The following POLR1C variants were observed in gnomAD, a reference collection of about 807,000 sequenced individuals.
POLR1C encodes the protein RNA polymerase I and III subunit C, also known as DNA-directed RNA polymerases I and III subunit RPAC1.
Under a neutral mutation model 38.3 loss-of-function variants are expected in POLR1C, and 42 were observed. That is an observed-to-expected ratio of 1.10 (90% CI 0.86 to 1.42). The LOEUF (loss-of-function observed/expected upper bound fraction) is 1.42. POLR1C is among the 40% of genes most tolerant of loss of function. The probability of loss-of-function intolerance (pLI) is 0.00; values close to 1 mark genes in which losing one functional copy is unlikely to be tolerated. For missense variants in POLR1C, 507 were observed against 450.5 expected, an observed-to-expected ratio of 1.13 and a Z score of -1.14; for synonymous variants, 163 against 163.9, an observed-to-expected ratio of 0.99 and a Z score of 0.04.
At chr6:43,546,101 C>T (rs1247410279) in intron 9 of POLR1C, among the ~76,000 whole-genome samples, 1 of 152,056 alleles carries the variant, frequency 6.6e-6, no homozygotes, top group Admixed American at 6.6e-5. Flanking sequence ...ATTTATAATT[C>T]CTTTGTTTAG....
In POLR1C at chr6:43,549,870, A is replaced by G. The variant is rs757412459; in HGVS notation, c.*5-1098A>G. 6.9e-6 allele frequency: 11 copies of G among 1,598,550 alleles called. No individual in the cohort carries two copies. The East Asian group carries it at 2.2e-4, about 32-fold the overall frequency. On this transcript the variant is annotated intron_variant, in intron 9 of 10. Transcript: ENST00000607635. The stretch of plus-strand genomic sequence containing the variant: ...ATTTGTACTCAAGAAGTTAGAATCT[A>G]TTGGTTTAATTAATGGTCTTACCTT...
At chr6:43,547,914 TAAAC>T (rs1795040211) in intron 9 of POLR1C, among the ~76,000 whole-genome samples, 1 of 152,188 alleles carries the variant, frequency 6.6e-6, no homozygotes, top group South Asian at 2.1e-4. Context: ...ATTTAAGAAT[TAAAC>T]AAGAATATAA....
rs776965617 is a variant in POLR1C, at chr6:43,520,353, A to C, written c.581A>C (p.His194Pro). The C allele has an allele frequency of 1.4e-5, 22 of 1,613,654 alleles. No individual in the cohort carries two copies. In the South Asian group the frequency reaches 2.4e-4, roughly 18 times the overall value. ...CCAGAGGGCACTATCCGACCAGTGC[A>C]TGATGATATCCTCATCGCTCAGCTG... ...LFPEGTIRPV[H>P]DDILIAQLRP... Residue 194 changes from histidine (H) to proline (P), a missense_variant, in exon 6 of 9, where the codon CAT (histidine) becomes CCT (proline). Transcript: ENST00000642195.
At chr6:43,545,316 G>A (rs1794909116) in intron 9 of POLR1C, among the ~76,000 whole-genome samples, 1 of 152,162 alleles carries the variant, frequency 6.6e-6, no homozygotes, top group Non-Finnish European at 1.5e-5. Context: ...GTTTCACTGC[G>A]ACATGAATAA....
rs1337642287 is a variant in POLR1C at position 43,520,672 on chromosome 6, C to A, written c.703C>A (p.Leu235Ile). The stretch of plus-strand genomic sequence containing the variant: ...ACCAGTGGCAACAGCCAGTTACAGG[C>A]TCCTGCCAGACATCACCCTGCTTGA... ...FSPVATASYR[L>I]LPDITLLEPV... is the part of the protein sequence containing the mutation. The change falls in exon 7 of 9, where the codon CTC (leucine) becomes ATC (isoleucine). Residue 235 changes from leucine (L) to isoleucine (I), a missense_variant. By Grantham distance (5) the Leu-to-Ile change is conservative. Coordinates refer to ENST00000642195, the MANE Select transcript of POLR1C (RefSeq NM_203290.4). The A allele has an allele frequency of 6.2e-7, 1 of 1,614,148 alleles. No homozygotes were observed. The highest frequency in any genetic ancestry group is 8.5e-7 in the Non-Finnish European group (1 of 1,179,988).
intron 2 of POLR1C, among the ~76,000 whole-genome samples, chr6:43,517,977 A>G (rs1169718521): frequency 6.6e-6 from 1 of 152,138 alleles, no homozygotes; most frequent in African/African-American, 2.4e-5. Flanking sequence ...TACTTTTTTA[A>G]CCTGTTGATA....
chr6:43,560,938 T>C (rs766846709), intron 10 of POLR1C: 9 of 1,613,734 alleles, frequency 5.6e-6, no homozygotes, highest in East Asian at 4.5e-5. Context: ...CTTGGATGGG[T>C]TGTGAAAGCA....
chr6:43,533,847 AAAG>A, downstream of POLR1C: 1 of 1,313,966 alleles, frequency 7.6e-7, no homozygotes, highest in Non-Finnish European at 1.1e-6. Flanking sequence ...AACAACAAAA[AAAG>A]GGGACATCCA....
At chr6:43,535,041 C>T (rs1216001762) in intron 9 of POLR1C, among the ~76,000 whole-genome samples, 1 of 151,020 alleles carries the variant, frequency 6.6e-6, no homozygotes, top group Non-Finnish European at 1.5e-5. Flanking sequence ...GCCTGTAATC[C>T]CAGCACTTTG....
intron 9 of POLR1C, among the ~76,000 whole-genome samples, chr6:43,537,505 T>C (rs973959042): frequency 3.9e-5 from 6 of 152,198 alleles, no homozygotes; most frequent in Non-Finnish European, 8.8e-5. Context: ...CAACTCTGCA[T>C]TGAAGCGCAA....
Position 43,520,638 on chromosome 6 carries a change from C to G in POLR1C, c.669C>G (p.Ala223=), listed in dbSNP as rs374207903. ...HCVKGIGKDH[A]KFSPVATASY... ...CTTCCTCTCCAGGCAAAGATCATGCCAAGTTTTCACCAGTGGCAACAGCCA... is the reference window on the plus strand; with the variant it reads ...CTTCCTCTCCAGGCAAAGATCATGCGAAGTTTTCACCAGTGGCAACAGCCA... Residue 223 remains alanine (A), a synonymous_variant, in exon 7 of 9, where the codon GCC becomes GCG. Coordinates refer to ENST00000642195, the MANE Select transcript of POLR1C (RefSeq NM_203290.4). 1.2e-6 allele frequency: 2 copies of G among 1,614,000 alleles called. No homozygotes were observed. The highest frequency in any genetic ancestry group is 1.3e-5 in the African/African-American group (1 of 74,912).
chr6:43,553,526 TACACACACACAC>T (rs111634867), intron 10 of POLR1C: 68 of 1,448,026 alleles, frequency 4.7e-5, no homozygotes, highest in Non-Finnish European at 6.0e-5. Flanking sequence ...CACACACACA[TACACACACACAC>T]ACACACACAC....
chr6:43,526,119 A>G (rs1206501160), downstream of POLR1C: 11 of 569,806 alleles, frequency 1.9e-5, no homozygotes, highest in Admixed American at 3.2e-5. Flanking sequence ...CAAGCTGTAC[A>G]TGAGGGAAAT....
rs371479150 is a variant in POLR1C at position 43,520,971 on chromosome 6, C to A, written c.845C>A (p.Thr282Asn). 1.2e-6 allele frequency: 2 copies of A among 1,614,118 alleles called. No homozygotes were observed. Among genetic ancestry groups the A allele is most frequent in the African/African-American group, 2.7e-5 (2 of 74,998 alleles). The stretch of plus-strand genomic sequence containing the variant: ...AGAGTTGCCAACCCCCGGCTGGATA[C>A]CTTCAGCAGAGAAATCTTCCGGAAT... ...VARVANPRLD[T>N]FSREIFRNEK... Residue 282 changes from threonine (T) to asparagine (N), a missense_variant, in exon 8 of 9, where the codon ACC becomes AAC. Transcript: ENST00000642195.
rs1057519455 is a variant in POLR1C, at chr6:43,517,324, C to T, written c.88C>T (p.Pro30Ser). Residue 30 changes from proline (P) to serine (S), a missense_variant, in exon 2 of 9, where the codon CCC becomes TCC. Transcript: ENST00000642195. ...GCTCTAGGTCCATACTACTGACTTTCCCGGTAACTATTCCGGTTATGATGA... is the reference window on the plus strand; with the variant it reads ...GCTCTAGGTCCATACTACTGACTTTTCCGGTAACTATTCCGGTTATGATGA... ...GVRNVHTTDFPGNYSGYDDAW... is the reference protein window; with the variant it reads ...GVRNVHTTDFSGNYSGYDDAW... The T allele has an allele frequency of 9.9e-6, 16 of 1,613,996 alleles. No homozygotes were observed. Among genetic ancestry groups the T allele is most frequent in the Non-Finnish European group, 1.4e-5 (16 of 1,180,002 alleles).
chr6:43,549,924 G>C (rs769738971), intron 9 of POLR1C: 1 of 1,612,310 alleles, frequency 6.2e-7, no homozygotes, highest in South Asian at 1.1e-5. Context: ...AAAAGTGACA[G>C]ATGAAAATAG....
chr6:43,523,699 AC>A (rs1392095842), downstream of POLR1C: 1 of 1,019,718 alleles, frequency 9.8e-7, no homozygotes, highest in South Asian at 1.3e-5. Context: ...TAGTATAATT[AC>A]TTCTGGTCCT....
chr6:43,548,422 G>C (rs770882228), intron 9 of POLR1C: 1 of 1,604,430 alleles, frequency 6.2e-7, no homozygotes, highest in Non-Finnish European at 8.5e-7. Flanking sequence ...CATTGGAGAG[G>C]AGTTGCTTCA....
rs1794529951 is a variant in POLR1C, at chr6:43,539,106, T to G, written c.*4+9747T>G. The G allele has an allele frequency of 8.6e-6, 11 of 1,280,346 alleles. No individual in the cohort carries two copies. The South Asian group carries it at 9.7e-5, about 11-fold the overall frequency. The allele number at this position is 1,280,346 out of a possible 1,614,324, so 79.3% of individuals were successfully genotyped here. A position where few individuals can be genotyped will look rare whatever the true frequency, so the allele number is the denominator to read the frequency against. On this transcript the variant is annotated intron_variant, in intron 9 of 10. Transcript: ENST00000607635. ...GGTGCGGAGACAATGCCAGTGCCCC[T>G]GGGTGCAGGGATGAGGCGCACCAGC...
Sources: allele counts gnomAD v4.1 joint callset (sites outside exome capture counted in the v4.1 genomes callset), GRCh38; gene constraint gnomAD v4.1.1; transcripts MANE v1.5; gene names NCBI Gene and HGNC (gene_info 2026-07-23, HGNC 2026-07-21).